The following CYTH4 variants were observed in gnomAD, a reference collection of about 807,000 sequenced individuals.
The protein encoded by CYTH4 is cytohesin-4.
CYTH4 carries 22 observed loss-of-function variants against 57.5 expected under a neutral mutation model. The observed-to-expected ratio is 0.38, with a 90% CI of 0.27 to 0.55. CYTH4 has a LOEUF of 0.55. Among genes scored for constraint, CYTH4 ranks in the 20% least tolerant of loss-of-function variants. The probability of loss-of-function intolerance (pLI) is 0.74; values close to 1 mark genes in which losing one functional copy is unlikely to be tolerated. For missense variants in CYTH4, 420 were observed against 535.6 expected, an observed-to-expected ratio of 0.78 and a Z score of 2.13; for synonymous variants, 186 against 206.5, an observed-to-expected ratio of 0.90 and a Z score of 0.85.
At chr22:37,300,645 C>G (rs1892408642) in intron 6 of CYTH4, among the ~76,000 whole-genome samples, 2 of 152,242 alleles carry the variant, frequency 1.3e-5, no homozygotes, top group Non-Finnish European at 2.9e-5. Flanking sequence ...GCAGACTGGG[C>G]TGCAGTCAGT....
intron 12 of CYTH4, among the ~76,000 whole-genome samples, chr22:37,312,924 C>T (rs1929699509): frequency 6.6e-6 from 1 of 152,290 alleles, no homozygotes; most frequent in African/African-American, 2.4e-5. Context: ...GGTTGCTGGG[C>T]AGGGGCCGTG....
rs754844783 is a variant in CYTH4 at position 37,295,960 on chromosome 22, G to A, written c.168-39G>A. 1 of 1,597,180 alleles carries A rather than the reference G, an allele frequency of 6.3e-7. No individual in the cohort carries two copies. The highest frequency in any genetic ancestry group is 1.7e-5 in the Admixed American group (1 of 58,536). On this transcript the variant is annotated intron_variant, in intron 3 of 12. Transcript: ENST00000248901. The surrounding 1 kb of genome is among the most constrained non-coding windows in gnomAD (Gnocchi z 4.1). ...TGGGGAGTGGAGAGGGTAATTCAGG[G>A]TCCTGGGGCAGCCCAAGCTGACGTC... is the stretch of plus-strand genomic sequence containing the variant.
chr22:37,305,292 T>G (rs1319245072), intron 8 of CYTH4, among the ~76,000 whole-genome samples: 1 of 152,184 alleles, frequency 6.6e-6, no homozygotes, highest in Non-Finnish European at 1.5e-5. Flanking sequence ...CTCACCAGGC[T>G]TTGGGGTCTA....
chr22:37,313,471 T>C lies in CYTH4; in HGVS notation c.1145T>C (p.Leu382Pro), dbSNP rs1340281321. 6.2e-7 allele frequency: 1 copy of C among 1,614,188 alleles called. No individual in the cohort carries two copies. Among genetic ancestry groups the C allele is most frequent in the Non-Finnish European group, 8.5e-7 (1 of 1,180,020 alleles). The change falls in exon 13 of 13, where the codon CTG (leucine) becomes CCG (proline). Residue 382 changes from leucine (L) to proline (P), a missense_variant. By Grantham distance (98) the Leu-to-Pro change is moderately conservative (BLOSUM62 -3). Coordinates refer to ENST00000248901, the MANE Select transcript of CYTH4 (RefSeq NM_013385.5). ...ATCACCCGTGTCCCCTTCTACGACC[T>C]GGTCTCTACTCGGAAGAAGAAGATT... The part of the protein sequence containing the change: ...ASITRVPFYD[L>P]VSTRKKKIAS...
intron 1 of CYTH4, among the ~76,000 whole-genome samples, chr22:37,287,969 T>C (rs1351992387): frequency 6.6e-6 from 1 of 152,126 alleles, no homozygotes; most frequent in Non-Finnish European, 1.5e-5. Flanking sequence ...CCTCTAGACC[T>C]GCAGAGACAG....
intron 1 of CYTH4, among the ~76,000 whole-genome samples, chr22:37,290,000 T>C (rs963946043): frequency 6.6e-6 from 1 of 152,168 alleles, no homozygotes; most frequent in South Asian, 2.1e-4. Flanking sequence ...GCTGTGGGGA[T>C]GATGGGTCAG....
rs1183478083 is a variant in CYTH4, at chr22:37,314,678, T to A, written c.*1167T>A. ...TCCAGTACCCGGGCAGCCAGCTCTGTCTCCAGGGAGGCCTGGCCTGGAGGA... is the reference window on the plus strand; with the variant it reads ...TCCAGTACCCGGGCAGCCAGCTCTGACTCCAGGGAGGCCTGGCCTGGAGGA... On this transcript the variant is annotated 3_prime_UTR_variant, in exon 13 of 13. Coordinates refer to ENST00000248901, the MANE Select transcript of CYTH4 (RefSeq NM_013385.5). 2.8e-6 allele frequency: 1 copy of A among 361,526 alleles called. No individual in the cohort carries two copies. The highest frequency in any genetic ancestry group is 4.6e-5 in the Admixed American group (1 of 21,508). The allele number at this position is 361,526 out of a possible 1,614,324, so 22.4% of individuals were successfully genotyped here.
intron 8 of CYTH4, among the ~76,000 whole-genome samples, chr22:37,303,765 A>G (rs3830145): frequency 0.69 from 104,247 of 152,090 alleles, 36,113 homozygotes; most frequent in South Asian, 0.79. Context: ...GACGCTCAGC[A>G]TGTCAGGCCT....
At chr22:37,288,356 G>A (rs1015723550) in intron 1 of CYTH4, among the ~76,000 whole-genome samples, 79 of 152,182 alleles carry the variant, frequency 5.2e-4, no homozygotes, top group African/African-American at 1.8e-3. Flanking sequence ...AGGTTGCAGT[G>A]AGCAAAGGTC....
intron 6 of CYTH4, among the ~76,000 whole-genome samples, chr22:37,300,489 C>G (rs1445801268): frequency 6.6e-6 from 1 of 152,176 alleles, no homozygotes; most frequent in Non-Finnish European, 1.5e-5. Flanking sequence ...AGTCGAGGTT[C>G]CAAGAAAGGG....
At chr22:37,301,054 A>AC in intron 7 of CYTH4, 35 bp downstream of exon 7, 1 of 1,572,488 alleles carries the variant, frequency 6.4e-7, no homozygotes, top group Non-Finnish European at 8.7e-7. Context: ...GGGCTCCGGG[A>AC]CCCCTTCAGC....
intron 9 of CYTH4, among the ~76,000 whole-genome samples, chr22:37,310,772 C>T (rs775131584): frequency 5.3e-5 from 8 of 152,170 alleles, no homozygotes; most frequent in Non-Finnish European, 1.2e-4. Context: ...ACCCAAACGC[C>T]AGCTCAAGCA....
In CYTH4 at chr22:37,312,092, A is replaced by G. The variant is rs746484799; in HGVS notation, c.1030A>G (p.Arg344Gly). 6.2e-7 allele frequency: 1 copy of G among 1,614,100 alleles called. No individual in the cohort carries two copies. Among genetic ancestry groups the G allele is most frequent in the African/African-American group, 1.3e-5 (1 of 74,942 alleles). The change falls in exon 12 of 13, where the codon AGG becomes GGG. Residue 344 changes from arginine (R) to glycine (G), a missense_variant. Coordinates refer to ENST00000248901, the MANE Select transcript of CYTH4 (RefSeq NM_013385.5). ...IKACKTDGDG[R>G]VVEGKHESYR... is the part of the protein sequence containing the mutation. ...GGCCTGCAAGACCGATGGCGACGGC[A>G]GGGTGGTGGAGGGCAAGCACGAATC...
At position 37,311,747 on chromosome 22, in the gene CYTH4, A is replaced by G; in HGVS notation, c.957+220A>G. The G allele has an allele frequency of 1.5e-6, 1 of 651,774 alleles. No individual in the cohort carries two copies. The highest frequency in any genetic ancestry group is 2.6e-6 in the Non-Finnish European group (1 of 381,936). 40.4% of individuals were successfully genotyped at this position (651,774 alleles called of 1,614,324 possible). On this transcript the variant is annotated intron_variant, in intron 11 of 12. Coordinates refer to ENST00000248901, the MANE Select transcript of CYTH4 (RefSeq NM_013385.5). This position sits in a 1 kb window ranked among gnomAD's most constrained non-coding sequence, Gnocchi z 4.4. The stretch of plus-strand genomic sequence containing the variant: ...ACGTGGTTGTCCCCTGTTGTCCCAC[A>G]CAGCCCGACTGGCTGGATGGCCCCG...
chr22:37,293,839 G>T (rs1928838755), intron 2 of CYTH4, among the ~76,000 whole-genome samples: 1 of 152,098 alleles, frequency 6.6e-6, no homozygotes, highest in South Asian at 2.1e-4. Flanking sequence ...TTGGGGTCGA[G>T]TTGGGGGAAG....
intron 9 of CYTH4, 135 bp from the exon 10 acceptor site, chr22:37,310,853 G>T: frequency 3.9e-6 from 3 of 778,250 alleles, no homozygotes; most frequent in Non-Finnish European, 4.3e-6. Context: ...ATGTTGGGGG[G>T]AGGTGTGGTG....
chr22:37,303,901 C>G (rs115190067), intron 8 of CYTH4, among the ~76,000 whole-genome samples: 1,914 of 152,336 alleles, frequency 0.013, 37 homozygotes, highest in African/African-American at 0.043. Context: ...AGCCTGCACC[C>G]CTGCCACACC....
intron 1 of CYTH4, among the ~76,000 whole-genome samples, chr22:37,283,905 T>C (rs56150635): frequency 0.022 from 3,308 of 150,936 alleles, 53 homozygotes; most frequent in Non-Finnish European, 0.029. Context: ...CCCACCGAGA[T>C]GCAACCCCCC....
intron 1 of CYTH4, among the ~76,000 whole-genome samples, chr22:37,285,316 G>A (rs1048206954): frequency 6.6e-6 from 1 of 152,162 alleles, no homozygotes; most frequent in African/African-American, 2.4e-5. Flanking sequence ...GAGGTTGTGA[G>A]AAGCACAGAG....
Sources: allele counts gnomAD v4.1 joint callset (sites outside exome capture counted in the v4.1 genomes callset), GRCh38; gene constraint gnomAD v4.1.1; non-coding constraint Gnocchi (gnomAD v3.1); transcripts MANE v1.5; gene names NCBI Gene and HGNC (gene_info 2026-07-23, HGNC 2026-07-21).